SYN3: variants seen among roughly 807,000 people sequenced by gnomAD.
SYN3 encodes synapsin-3.
A neutral mutation model predicts 65.8 loss-of-function variants in SYN3; 35 were observed. The ratio of observed to expected loss-of-function variants is 0.53; its 90% CI spans 0.41 to 0.70. The LOEUF (loss-of-function observed/expected upper bound fraction) is 0.70, where lower values mean the gene tolerates loss of function less well. Ranked by LOEUF, SYN3 falls within the 30% of genes least tolerant of loss-of-function variation. SYN3 has a pLI of 0.00. For missense variants in SYN3, 680 were observed against 749.0 expected (o/e 0.91, Z 1.08); for synonymous variants, 270 against 292.9 (o/e 0.92, Z 0.80).
chr22:32,625,771 T>G (rs1475531624), intron 6 of SYN3, among the ~76,000 whole-genome samples: 22 of 152,140 alleles, frequency 1.4e-4, no homozygotes, highest in Non-Finnish European at 2.9e-5. Context: ...TGGCTGAGCT[T>G]TGGACTGAGT....
intron 4 of SYN3, among the ~76,000 whole-genome samples, chr22:32,909,361 C>A (rs1051480083): frequency 1.3e-5 from 2 of 152,162 alleles, no homozygotes; most frequent in Admixed American, 1.3e-4. Context: ...CCTCTCTGAA[C>A]CTCAGCTTCC....
In SYN3 at chr22:32,719,498, G is replaced by A. The variant is rs575400699; in HGVS notation, c.712-122762C>T. 7.2e-5 allele frequency among the ~76,000 whole-genome samples: 11 copies of A among 152,272 alleles called. No homozygotes were observed. In the East Asian group the frequency reaches 1.2e-3, roughly 16 times the overall value. On this transcript the variant is annotated intron_variant, in intron 6 of 13. Transcript: ENST00000358763. ...TTTGTGTGTGGCTGTTCTGTTCACCGTTGCATCCAAATGCCCAGCATATAG... is the reference window on the plus strand; with the variant it reads ...TTTGTGTGTGGCTGTTCTGTTCACCATTGCATCCAAATGCCCAGCATATAG...
intron 6 of SYN3, among the ~76,000 whole-genome samples, chr22:32,749,355 C>T (rs764395830): frequency 5.2e-5 from 7 of 133,720 alleles, no homozygotes; most frequent in Non-Finnish European, 7.7e-5. Context: ...TAAGTTTCAA[C>T]ATATAGCCGT....
intron 3 of SYN3, among the ~76,000 whole-genome samples, chr22:32,970,623 G>GA (rs1222985635): frequency 2.0e-5 from 3 of 151,920 alleles, no homozygotes; most frequent in African/African-American, 7.2e-5. Flanking sequence ...GCCCTTGGGG[G>GA]AAAACAATGA....
intron 1 of SYN3, among the ~76,000 whole-genome samples, chr22:33,044,208 G>A (rs1385816672): frequency 6.6e-6 from 1 of 152,158 alleles, no homozygotes; most frequent in Non-Finnish European, 1.5e-5. Context: ...TTCAACGCAG[G>A]CCCAAAGCGG....
chr22:32,547,897 G>A (rs2058357445), intron 7 of SYN3, among the ~76,000 whole-genome samples: 1 of 152,152 alleles, frequency 6.6e-6, no homozygotes, highest in Non-Finnish European at 1.5e-5. Context: ...CTGTTCTGGT[G>A]TATATCACAC....
chr22:33,036,876 A>C (rs1042589085), intron 1 of SYN3, among the ~76,000 whole-genome samples: 2 of 151,886 alleles, frequency 1.3e-5, no homozygotes, highest in African/African-American at 4.8e-5. Flanking sequence ...TTTTTAGTAG[A>C]GACGGGGTTT....
At position 32,785,650 on chromosome 22, in the gene SYN3, A is replaced by C. The variant is rs2046174611; in HGVS notation, c.711+79265T>G. Among the ~76,000 whole-genome samples, 4 of 152,202 alleles carry C rather than the reference A, an allele frequency of 2.6e-5. No homozygotes were observed. In the South Asian group the frequency reaches 8.3e-4, roughly 31 times the overall value. ...AGAGTGTTTTCTCAGATTAAAAGAA[A>C]GTAGTCAAACTTTCCCCTTCTCTGA... On this transcript the variant is annotated intron_variant, in intron 6 of 13. Transcript: ENST00000358763.
At chr22:32,964,401 CT>C in intron 3 of SYN3, among the ~76,000 whole-genome samples, 1 of 142,480 alleles carries the variant, frequency 7.0e-6, no homozygotes, top group African/African-American at 2.7e-5. Context: ...CACATGTACC[CT>C]AAAACTTAAA....
At chr22:32,859,501 A>G (rs1056783560) in intron 6 of SYN3, 1 of 1,239,244 alleles carries the variant, frequency 8.1e-7, no homozygotes, top group African/African-American at 1.5e-5. Flanking sequence ...CACTTGGAAC[A>G]TTTAAAGAAA....
intron 9 of SYN3, among the ~76,000 whole-genome samples, chr22:32,537,319 T>C (rs551185521): frequency 6.6e-6 from 1 of 152,148 alleles, no homozygotes; most frequent in African/African-American, 2.4e-5. Flanking sequence ...ACCACCATGC[T>C]TGGCTAATTT....
At chr22:32,664,807 G>A (rs1174698445) in intron 6 of SYN3, among the ~76,000 whole-genome samples, 1 of 151,004 alleles carries the variant, frequency 6.6e-6, no homozygotes, top group Admixed American at 6.6e-5. Context: ...AGCCAGGATG[G>A]TCTCGATCTC....
intron 4 of SYN3, among the ~76,000 whole-genome samples, chr22:32,895,973 C>G (rs111663145): frequency 6.6e-6 from 1 of 152,274 alleles, no homozygotes; most frequent in African/African-American, 2.4e-5. Context: ...AGTTAATCCA[C>G]GTAAGGCCCT....
intron 6 of SYN3, among the ~76,000 whole-genome samples, chr22:32,608,321 C>T (rs1486425925): frequency 4.6e-5 from 7 of 152,252 alleles, no homozygotes; most frequent in South Asian, 2.1e-4. Flanking sequence ...CCGCCCGCTT[C>T]GGCTTCCCAA....
intron 6 of SYN3, among the ~76,000 whole-genome samples, chr22:32,849,718 A>G (rs1187176280): frequency 1.3e-5 from 2 of 152,142 alleles, no homozygotes; most frequent in African/African-American, 4.8e-5. Flanking sequence ...GGGAGGGGGC[A>G]TGGGGCTGCC....
intron 4 of SYN3, among the ~76,000 whole-genome samples, chr22:32,873,754 G>A (rs2048914330): frequency 6.6e-6 from 1 of 152,158 alleles, no homozygotes; most frequent in Non-Finnish European, 1.5e-5. Flanking sequence ...CCATTTTCCT[G>A]TTACATGAAG....
At chr22:32,941,899 G>A (rs1045659012) in intron 3 of SYN3, among the ~76,000 whole-genome samples, 1 of 152,232 alleles carries the variant, frequency 6.6e-6, no homozygotes, top group Non-Finnish European at 1.5e-5. Flanking sequence ...TGAGGCTGGG[G>A]GAGGGGCATC....
At chr22:32,722,180 T>G (rs1183535110) in intron 6 of SYN3, among the ~76,000 whole-genome samples, 1 of 152,052 alleles carries the variant, frequency 6.6e-6, no homozygotes, top group Admixed American at 6.5e-5. Context: ...GTTGATGAAG[T>G]ATTTTCCCAA....
intron 4 of SYN3, among the ~76,000 whole-genome samples, chr22:32,904,423 T>A (rs144039597): frequency 4.6e-5 from 7 of 152,344 alleles, no homozygotes; most frequent in African/African-American, 1.7e-4. Flanking sequence ...AGGCGCCTGG[T>A]TGGATTCCTG....
Sources: gnomAD v4.1 joint callset for allele counts (sites outside exome capture counted in the v4.1 genomes callset) on GRCh38, gnomAD v4.1.1 for gene constraint, MANE v1.5 for transcripts, NCBI Gene and HGNC (gene_info 2026-07-23, HGNC 2026-07-21) for gene names.